LINGO2: variants seen among roughly 807,000 people sequenced by gnomAD.
LINGO2 encodes leucine rich repeat and Ig domain containing 2.
A neutral mutation model predicts 30.6 loss-of-function variants in LINGO2; 14 were observed. The observed-to-expected ratio is 0.46, with a 90% CI of 0.30 to 0.72. LINGO2 has a LOEUF of 0.72. LINGO2 is among the 30% of genes least tolerant of loss of function. The pLI is 0.07. For synonymous variants in LINGO2, 317 were observed against 288.5 expected (o/e 1.10, Z -1.00); for missense variants, 729 against 751.7 (o/e 0.97, Z 0.35).
At chr9:28,603,319 C>T (rs574813389) in intron 1 of LINGO2, among the ~76,000 whole-genome samples, 1 of 152,006 alleles carries the variant, frequency 6.6e-6, no homozygotes, top group Non-Finnish European at 1.5e-5. Flanking sequence ...TTATCTTTGT[C>T]TGTCTAGTAC....
Position 28,148,497 on chromosome 9 carries a change from A to T in LINGO2, c.-86-136092T>A. Reference sequence around the variant, plus strand: ...ACAGACCAGGTAGAGACCCAGGGGCAGGAGGACAATAAAAGGGGCCCCTGT... The same window carrying T: ...ACAGACCAGGTAGAGACCCAGGGGCTGGAGGACAATAAAAGGGGCCCCTGT... On this transcript the variant is annotated intron_variant, in intron 4 of 5. Transcript: ENST00000379992. The surrounding 1 kb of genome is among the most constrained non-coding windows in gnomAD (Gnocchi z 5.1). The T allele has an allele frequency of 6.9e-7, 1 of 1,448,954 alleles. No individual in the cohort carries two copies. Among genetic ancestry groups the T allele is most frequent in the Non-Finnish European group, 9.4e-7 (1 of 1,068,912 alleles). 89.8% of individuals were successfully genotyped at this position (1,448,954 alleles called of 1,614,324 possible).
the LINGO2 span, among the ~76,000 whole-genome samples, chr9:29,110,477 C>A: frequency 6.6e-6 from 1 of 151,316 alleles, no homozygotes; most frequent in Non-Finnish European, 1.5e-5. Context: ...GGACTACAGG[C>A]GCCCGCCGCC....
chr9:28,933,776 C>T, the LINGO2 span, among the ~76,000 whole-genome samples: 7 of 152,306 alleles, frequency 4.6e-5, no homozygotes, highest in East Asian at 5.8e-4. Context: ...AATTGCTTGT[C>T]CAGCTTTGGA....
chr9:28,693,212 C>A, the LINGO2 span, among the ~76,000 whole-genome samples: 1 of 152,066 alleles, frequency 6.6e-6, no homozygotes, highest in Non-Finnish European at 1.5e-5. Flanking sequence ...TTTGTTGGTG[C>A]ACTTCCATTT....
At chr9:28,605,707 C>G (rs1444173907) in intron 1 of LINGO2, among the ~76,000 whole-genome samples, 1 of 152,022 alleles carries the variant, frequency 6.6e-6, no homozygotes, top group Non-Finnish European at 1.5e-5. Context: ...AGGAATGTCT[C>G]CATCAGGACT....
chr9:28,429,370 G>T (rs4345655), intron 2 of LINGO2, among the ~76,000 whole-genome samples: 22,878 of 152,026 alleles, frequency 0.15, 1,880 homozygotes, highest in East Asian at 0.33. Flanking sequence ...TCCCTATATG[G>T]TATAATGACA....
chr9:28,703,749 T>C, the LINGO2 span, among the ~76,000 whole-genome samples: 3 of 152,078 alleles, frequency 2.0e-5, no homozygotes, highest in East Asian at 5.8e-4. Context: ...CTTTCAGTTG[T>C]TGTCCTAGAA....
At chr9:28,953,315 GT>G in the LINGO2 span, among the ~76,000 whole-genome samples, 1 of 152,008 alleles carries the variant, frequency 6.6e-6, no homozygotes, top group Non-Finnish European at 1.5e-5. Context: ...GTGCTCAAAC[GT>G]TTAGGAATCA....
At chr9:28,266,504 T>C (rs1822755694) in intron 4 of LINGO2, among the ~76,000 whole-genome samples, 1 of 151,984 alleles carries the variant, frequency 6.6e-6, no homozygotes, top group Admixed American at 6.6e-5. Flanking sequence ...ATACATTTGC[T>C]TAGACACCCT....
chr9:29,132,610 C>T, the LINGO2 span, among the ~76,000 whole-genome samples: 7 of 152,148 alleles, frequency 4.6e-5, no homozygotes, highest in Non-Finnish European at 1.0e-4. Context: ...AGCCTTCCCC[C>T]ACTCTGTGGA....
At chr9:28,988,226 A>G in the LINGO2 span, among the ~76,000 whole-genome samples, 1 of 152,134 alleles carries the variant, frequency 6.6e-6, no homozygotes, top group Non-Finnish European at 1.5e-5. Flanking sequence ...TTGGGTGCAT[A>G]TATATTTACA....
chr9:28,809,684 T>G, the LINGO2 span, among the ~76,000 whole-genome samples: 1 of 144,950 alleles, frequency 6.9e-6, no homozygotes. Flanking sequence ...AGGCGGAGGT[T>G]GCAGTGAGCC....
intron 4 of LINGO2, among the ~76,000 whole-genome samples, chr9:28,028,654 C>G (rs769232150): frequency 6.6e-6 from 1 of 152,096 alleles, no homozygotes; most frequent in Non-Finnish European, 1.5e-5. Flanking sequence ...TGCATGTAAC[C>G]TATGCATATC....
At chr9:28,925,436 C>G in the LINGO2 span, among the ~76,000 whole-genome samples, 3 of 152,130 alleles carry the variant, frequency 2.0e-5, no homozygotes, top group African/African-American at 7.2e-5. Flanking sequence ...TGACCAAGTG[C>G]CAGTAAAAAC....
At chr9:29,061,461 T>C in the LINGO2 span, among the ~76,000 whole-genome samples, 1 of 151,600 alleles carries the variant, frequency 6.6e-6, no homozygotes, top group East Asian at 1.9e-4. Flanking sequence ...ATCAAAACAG[T>C]GTGATGCTGG....
chr9:28,637,478 G>A (rs1827338766), intron 1 of LINGO2, among the ~76,000 whole-genome samples: 1 of 151,984 alleles, frequency 6.6e-6, no homozygotes. Context: ...CCATTTCTTT[G>A]TATCCTCTTT....
At chr9:27,950,786 C>G (rs1819268082) in intron 5 of LINGO2, 80 bp from the exon 7 acceptor site, 2 of 702,918 alleles carry the variant, frequency 2.8e-6, no homozygotes, top group Non-Finnish European at 4.2e-6. Flanking sequence ...AATAGGGCAG[C>G]AAGTGTAATG....
intron 5 of LINGO2, among the ~76,000 whole-genome samples, chr9:27,957,087 T>A (rs1008973273): frequency 4.6e-5 from 7 of 152,142 alleles, no homozygotes; most frequent in African/African-American, 1.4e-4. Flanking sequence ...TGAGACCCTG[T>A]CTCTACAAAA....
At chr9:28,882,437 C>T in the LINGO2 span, among the ~76,000 whole-genome samples, 5 of 152,112 alleles carry the variant, frequency 3.3e-5, no homozygotes, top group African/African-American at 9.7e-5. Context: ...GGTACAGCTA[C>T]TAGAACACTG....
Sources: allele counts gnomAD v4.1 joint callset (sites outside exome capture counted in the v4.1 genomes callset), GRCh38; gene constraint gnomAD v4.1.1; non-coding constraint Gnocchi (gnomAD v3.1); transcripts MANE v1.5; gene names NCBI Gene and HGNC (gene_info 2026-07-23, HGNC 2026-07-21).